Variants in CHST11 observed in about 807,000 individuals in gnomAD.
The protein encoded by CHST11 is C4S-1.
CHST11 carries 9 observed loss-of-function variants against 30.4 expected under a neutral mutation model. The ratio of observed to expected loss-of-function variants is 0.30; its 90% confidence interval spans 0.18 to 0.52. The LOEUF (loss-of-function observed/expected upper bound fraction) is 0.52. CHST11 is among the 20% of genes least tolerant of loss of function. The probability of loss-of-function intolerance (pLI) is 0.97; values close to 1 mark genes in which losing one functional copy is unlikely to be tolerated. For missense variants in CHST11, 348 were observed against 460.6 expected, an observed-to-expected ratio of 0.76 and a Z score of 2.24; for synonymous variants, 152 against 187.8, an observed-to-expected ratio of 0.81 and a Z score of 1.56.
chr12:104,613,835 A>G (rs577727399), intron 2 of CHST11, among the ~76,000 whole-genome samples: 20 of 152,232 alleles, frequency 1.3e-4, no homozygotes, highest in Non-Finnish European at 2.2e-4. Flanking sequence ...TCTCACTTAT[A>G]TGTAGAATCT....
In CHST11 at chr12:104,488,610, TATGTATGTGTGC is replaced by T. The variant is rs1455367081; in HGVS notation, c.118+31093_118+31104del. On this transcript the variant is annotated intron_variant, in intron 1 of 2. Coordinates refer to ENST00000303694, the MANE Select transcript of CHST11 (RefSeq NM_018413.6). ...GTATGCGTATGTATGCGTATGTGTG[TATGTATGTGTGC>T]ATGTATGTGTGTGTGCGTGTGTATG... Among the ~76,000 whole-genome samples, 3 of 148,906 alleles carry T rather than the reference TATGTATGTGTGC, an allele frequency of 2.0e-5. No homozygotes were observed. In the Admixed American group the frequency reaches 2.0e-4, roughly 10 times the overall value.
chr12:104,469,382 A>G (rs1356958619), intron 1 of CHST11, among the ~76,000 whole-genome samples: 1 of 152,186 alleles, frequency 6.6e-6, no homozygotes, highest in African/African-American at 2.4e-5. Context: ...GCACTTAATT[A>G]CTCCTCAGGT....
intron 1 of CHST11, chr12:104,552,308 G>T (rs2038412439): frequency 6.6e-6 from 1 of 152,126 alleles, no homozygotes. Context: ...TGTATTTTTT[G>T]TTTTTTATTT....
chr12:104,585,132 A>G (rs991149691), intron 1 of CHST11, among the ~76,000 whole-genome samples: 2 of 152,224 alleles, frequency 1.3e-5, no homozygotes, highest in Non-Finnish European at 2.9e-5. Context: ...CTGTTACTGC[A>G]GGCATGCCTT....
At chr12:104,612,299 G>A (rs1382307749) in intron 2 of CHST11, among the ~76,000 whole-genome samples, 8 of 152,188 alleles carry the variant, frequency 5.3e-5, no homozygotes, top group Middle Eastern at 6.8e-3. Flanking sequence ...TCTGAGGGCC[G>A]TGAAGAAGGG....
intron 2 of CHST11, among the ~76,000 whole-genome samples, chr12:104,655,274 G>T (rs547357067): frequency 1.3e-5 from 2 of 152,354 alleles, no homozygotes; most frequent in Admixed American, 6.5e-5. Flanking sequence ...TGACCTTCGC[G>T]CCGGAGGCGC....
rs534084883 is a variant in CHST11, at chr12:104,758,591, T to C, written c.*788T>C. On this transcript the variant is annotated 3_prime_UTR_variant, in exon 3 of 3. Transcript: ENST00000303694. The stretch of plus-strand genomic sequence containing the variant: ...TCTACTATATACTAGGCCCTGAAGA[T>C]AGAGCGTTGAACAAACCCAATAGTC... 7 of 152,300 alleles carry C rather than the reference T, an allele frequency of 4.6e-5. No homozygotes were observed. In the South Asian group the frequency reaches 1.4e-3, roughly 32 times the overall value. 9.4% of individuals were successfully genotyped at this position (152,300 alleles called of 1,614,324 possible). A position where few individuals can be genotyped will look rare whatever the true frequency, so the allele number is the denominator to read the frequency against.
chr12:104,537,356 G>C (rs1344696194), intron 1 of CHST11, among the ~76,000 whole-genome samples: 1 of 152,202 alleles, frequency 6.6e-6, no homozygotes, highest in Admixed American at 6.5e-5. Flanking sequence ...CATTGACCTT[G>C]AGATACCCAG....
chr12:104,708,154 C>T (rs1348382039), intron 2 of CHST11, among the ~76,000 whole-genome samples: 1 of 152,230 alleles, frequency 6.6e-6, no homozygotes, highest in Non-Finnish European at 1.5e-5. Flanking sequence ...AGCCTCTCTA[C>T]TAACCAAAGT....
intron 2 of CHST11, among the ~76,000 whole-genome samples, chr12:104,698,096 A>G (rs1377074637): frequency 6.6e-6 from 1 of 152,088 alleles, no homozygotes; most frequent in Non-Finnish European, 1.5e-5. Context: ...TGTTTATTTC[A>G]TGCAGTCACA....
At chr12:104,521,896 AGGCTGGG>A in intron 1 of CHST11, among the ~76,000 whole-genome samples, 1 of 152,210 alleles carries the variant, frequency 6.6e-6, no homozygotes, top group Non-Finnish European at 1.5e-5. Flanking sequence ...TGGGTCACCC[AGGCTGGG>A]GCAGGCTGAA....
At chr12:104,482,950 G>C (rs2037641340) in intron 1 of CHST11, among the ~76,000 whole-genome samples, 1 of 152,150 alleles carries the variant, frequency 6.6e-6, no homozygotes, top group African/African-American at 2.4e-5. Context: ...GTCAGCATGG[G>C]AGAAAGTCAT....
chr12:104,613,879 A>G (rs1369349974), intron 2 of CHST11, among the ~76,000 whole-genome samples: 2 of 152,210 alleles, frequency 1.3e-5, no homozygotes, highest in Non-Finnish European at 2.9e-5. Flanking sequence ...AGAGAGCAGA[A>G]TGGTTACCAG....
chr12:104,474,904 G>C (rs1488111662), intron 1 of CHST11, among the ~76,000 whole-genome samples: 7 of 152,120 alleles, frequency 4.6e-5, no homozygotes, highest in Non-Finnish European at 8.8e-5. Context: ...GGCGGTAGGG[G>C]GTCCCAGTAA....
intron 2 of CHST11, among the ~76,000 whole-genome samples, chr12:104,605,599 A>AT (rs2038998079): frequency 1.3e-5 from 2 of 152,184 alleles, no homozygotes; most frequent in Non-Finnish European, 2.9e-5. Context: ...AAAATAAAAA[A>AT]AAAAGTTTGG....
intron 1 of CHST11, among the ~76,000 whole-genome samples, chr12:104,473,842 GA>G (rs2037532764): frequency 6.6e-6 from 1 of 151,932 alleles, no homozygotes; most frequent in Admixed American, 6.6e-5. Context: ...ATGAATAATT[GA>G]GAGCTGGTTT....
chr12:104,661,264 C>T (rs1314457767), intron 2 of CHST11, among the ~76,000 whole-genome samples: 1 of 152,160 alleles, frequency 6.6e-6, no homozygotes, highest in African/African-American at 2.4e-5. Flanking sequence ...CAGTGGCTCA[C>T]ACCTGTAATC....
intron 1 of CHST11, among the ~76,000 whole-genome samples, chr12:104,546,231 A>G (rs2038347350): frequency 6.6e-6 from 1 of 151,280 alleles, no homozygotes; most frequent in Admixed American, 6.6e-5. Flanking sequence ...GCACTTTGGG[A>G]GGCTTAGGTA....
intron 2 of CHST11, among the ~76,000 whole-genome samples, chr12:104,605,429 A>T (rs1015300391): frequency 2.6e-5 from 4 of 152,142 alleles, no homozygotes; most frequent in Non-Finnish European, 5.9e-5. Context: ...AATACAAAAA[A>T]TTCTATGGGC....
Sources: allele counts gnomAD v4.1 joint callset (sites outside exome capture counted in the v4.1 genomes callset), GRCh38; gene constraint gnomAD v4.1.1; transcripts MANE v1.5; gene names NCBI Gene and HGNC (gene_info 2026-07-23, HGNC 2026-07-21).